Variants in CLOCK observed in about 807,000 individuals in gnomAD.
CLOCK encodes circadian locomoter output cycles protein kaput.
CLOCK carries 43 observed loss-of-function variants against 118.4 expected under a neutral mutation model. The observed-to-expected ratio is 0.36, with a 90% confidence interval of 0.28 to 0.47. CLOCK has a LOEUF of 0.47. CLOCK is among the 20% of genes least tolerant of loss of function. CLOCK has a pLI of 1.00. For synonymous variants in CLOCK, 326 were observed against 339.2 expected, an observed-to-expected ratio of 0.96 and a Z score of 0.43; for missense variants, 846 against 999.9, an observed-to-expected ratio of 0.85 and a Z score of 2.08.
intron 1 of CLOCK, among the ~76,000 whole-genome samples, chr4:55,526,432 G>C (rs1463656696): frequency 6.6e-6 from 1 of 152,166 alleles, no homozygotes; most frequent in Non-Finnish European, 1.5e-5. Flanking sequence ...CACATATCAT[G>C]ATATAACATG....
At chr4:55,470,174 A>G (rs1195300637) in intron 8 of CLOCK, among the ~76,000 whole-genome samples, 2 of 152,156 alleles carry the variant, frequency 1.3e-5, no homozygotes, top group East Asian at 1.9e-4. Context: ...TCACTCACTC[A>G]CTGACTCACC....
At chr4:55,501,543 A>T (rs1217805867) in intron 2 of CLOCK, 2 of 152,018 alleles carry the variant, frequency 1.3e-5, no homozygotes, top group Non-Finnish European at 2.9e-5. Flanking sequence ...TCAGCCTCCC[A>T]AGGAGCTGGG....
At chr4:55,467,340 G>C (rs1412263772) in intron 8 of CLOCK, among the ~76,000 whole-genome samples, 2 of 152,132 alleles carry the variant, frequency 1.3e-5, no homozygotes. Flanking sequence ...GAACTAGCTA[G>C]CTCCTCTGGA....
rs543407919 is a variant in CLOCK, at chr4:55,540,381, G to C, written c.-290+6401C>G. ...TATTTTTTAATTGGGGGCAAGAGAG[G>C]AGGGGAGAGGAGGGGAGGGGAGGGG... On this transcript the variant is annotated intron_variant, in intron 1 of 22. Coordinates refer to ENST00000513440, the MANE Select transcript of CLOCK (RefSeq NM_004898.4). 2.1e-5 allele frequency: 3 copies of C among 146,240 alleles called. No homozygotes were observed. In the East Asian group the frequency reaches 6.3e-4, roughly 31 times the overall value. 9.1% of individuals were successfully genotyped at this position (146,240 alleles called of 1,614,324 possible).
In CLOCK at chr4:55,442,416, G is replaced by C. The variant is rs762458961; in HGVS notation, c.2105+16C>G. The stretch of plus-strand genomic sequence containing the variant: ...GTTTACAATTTTAAAAATAACAAAT[G>C]AAATATGACAACTACCTTATCTGCC... On this transcript the variant is annotated intron_variant, in intron 21 of 22. Coordinates refer to ENST00000513440, the MANE Select transcript of CLOCK (RefSeq NM_004898.4). The C allele has an allele frequency of 5.0e-6, 8 of 1,600,586 alleles. No individual in the cohort carries two copies. The Admixed American group carries it at 1.3e-4, about 27-fold the overall frequency.
intron 18 of CLOCK, among the ~76,000 whole-genome samples, 178 bp downstream of exon 18, chr4:55,448,601 C>CACGCGCGTGT (rs1278800720): frequency 8.5e-6 from 1 of 116,978 alleles, no homozygotes; most frequent in Non-Finnish European, 1.8e-5. Flanking sequence ...CGCACGCGCG[C>CACGCGCGTGT]GTGTGTGTGT....
intron 2 of CLOCK, among the ~76,000 whole-genome samples, chr4:55,495,276 G>A (rs1283652578): frequency 1.3e-5 from 2 of 152,038 alleles, no homozygotes; most frequent in Non-Finnish European, 2.9e-5. Context: ...ACACATCGTC[G>A]TTAAAATATC....
intron 2 of CLOCK, among the ~76,000 whole-genome samples, chr4:55,493,836 T>C (rs1727878495): frequency 6.6e-6 from 1 of 152,156 alleles, no homozygotes; most frequent in African/African-American, 2.4e-5. Context: ...CCAGACCTCT[T>C]AAAACCAGAG....
chr4:55,442,738 A>T, intron 20 of CLOCK, 104 bp from the exon 21 acceptor site: 1 of 1,014,656 alleles, frequency 9.9e-7, no homozygotes. Context: ...TGACAGAGAA[A>T]GAAGTGGCAG....
intron 14 of CLOCK, 161 bp downstream of exon 14, chr4:55,453,516 A>G: frequency 5.3e-6 from 3 of 567,310 alleles, no homozygotes; most frequent in Non-Finnish European, 9.2e-6. Context: ...ATATTTATAT[A>G]TAATGCCTAT....
At chr4:55,497,605 GTTC>G (rs1728166864) in intron 2 of CLOCK, among the ~76,000 whole-genome samples, 1 of 152,174 alleles carries the variant, frequency 6.6e-6, no homozygotes. Flanking sequence ...TATGCCAGTA[GTTC>G]TTAACTTCTG....
chr4:55,542,414 G>A (rs1731340716), intron 1 of CLOCK, among the ~76,000 whole-genome samples: 1 of 147,054 alleles, frequency 6.8e-6, no homozygotes, highest in Non-Finnish European at 1.5e-5. Context: ...TGTCTATGCT[G>A]TTTTAACCAT....
In CLOCK at chr4:55,461,288, T is replaced by G. The variant is rs534166048; in HGVS notation, c.560-2027A>C. 2.6e-4 allele frequency among the ~76,000 whole-genome samples: 40 copies of G among 152,058 alleles called. 1 individual carries two copies. In the South Asian group the frequency reaches 7.9e-3, roughly 30 times the overall value. ...CCTTTTTGTCTCCCAGTCTGGTCCTTTTCAAAATTTTCTACCTGAGTGATT... is the reference window on the plus strand; with the variant it reads ...CCTTTTTGTCTCCCAGTCTGGTCCTGTTCAAAATTTTCTACCTGAGTGATT... On this transcript the variant is annotated intron_variant, in intron 9 of 22. Transcript: ENST00000513440.
At chr4:55,463,868 G>T in intron 8 of CLOCK, 63 bp from the exon 9 acceptor site, 1 of 1,492,678 alleles carries the variant, frequency 6.7e-7, no homozygotes, top group South Asian at 1.2e-5. Flanking sequence ...TGCTTTAAAA[G>T]TACATAATCG....
chr4:55,514,502 C>G (rs1433397379), intron 1 of CLOCK, among the ~76,000 whole-genome samples: 1 of 148,008 alleles, frequency 6.8e-6, no homozygotes, highest in Non-Finnish European at 1.5e-5. Context: ...CATTTTTATC[C>G]CCCCCCCACT....
At chr4:55,520,552 A>C (rs1729792527) in intron 1 of CLOCK, among the ~76,000 whole-genome samples, 1 of 152,198 alleles carries the variant, frequency 6.6e-6, no homozygotes, top group Admixed American at 6.5e-5. Context: ...CACAGCTTCA[A>C]ATTTATATTA....
In CLOCK at chr4:55,534,837, C is replaced by T. The variant is rs558284263; in HGVS notation, c.-290+11945G>A. On this transcript the variant is annotated intron_variant, in intron 1 of 22. Coordinates refer to ENST00000513440, the MANE Select transcript of CLOCK (RefSeq NM_004898.4). ...TATACTGTGTTCAAGGATCAAAGGA[C>T]TCAATGTTGCTATCAGTTTTCTTTA... Among the ~76,000 whole-genome samples the T allele has an allele frequency of 1.9e-4, 29 of 152,216 alleles. No homozygotes were observed. In the East Asian group the frequency reaches 3.7e-3, roughly 19 times the overall value.
At chr4:55,495,403 T>G (rs1263975075) in intron 2 of CLOCK, among the ~76,000 whole-genome samples, 1 of 152,172 alleles carries the variant, frequency 6.6e-6, no homozygotes, top group Non-Finnish European at 1.5e-5. Flanking sequence ...GGCTTCTCTC[T>G]CATGTGAGAT....
chr4:55,544,321 ATCC>A (rs1175143455), intron 1 of CLOCK, among the ~76,000 whole-genome samples: 1 of 152,142 alleles, frequency 6.6e-6, no homozygotes, highest in African/African-American at 2.4e-5. Context: ...GAATGTTCAC[ATCC>A]TCCTCATAAT....
Sources: allele counts gnomAD v4.1 joint callset (sites outside exome capture counted in the v4.1 genomes callset), GRCh38; gene constraint gnomAD v4.1.1; transcripts MANE v1.5; gene names NCBI Gene and HGNC (gene_info 2026-07-23, HGNC 2026-07-21).